Variants in LMO1 observed in about 807,000 individuals in gnomAD.
LMO1 encodes rhombotin-1.
In LMO1, 10 loss-of-function variants were observed where a neutral mutation model predicts 18.0. That is an observed-to-expected ratio of 0.55 (90% CI 0.34 to 0.94). The LOEUF (loss-of-function observed/expected upper bound fraction) is 0.94. Among genes scored for constraint, LMO1 ranks in the 40% least tolerant of loss-of-function variants. The pLI is 0.02. For missense variants in LMO1, 183 were observed against 205.7 expected, an observed-to-expected ratio of 0.89 and a Z score of 0.68; for synonymous variants, 77 against 77.9, an observed-to-expected ratio of 0.99 and a Z score of 0.06.
At chr11:8,238,313 C>G (rs1191920723) in intron 1 of LMO1, among the ~76,000 whole-genome samples, 1 of 152,178 alleles carries the variant, frequency 6.6e-6, no homozygotes, top group Non-Finnish European at 1.5e-5. Flanking sequence ...CAAAAAGGTA[C>G]ATACTGTATA....
intron 1 of LMO1, among the ~76,000 whole-genome samples, chr11:8,260,809 T>C (rs1336014092): frequency 2.6e-5 from 4 of 151,970 alleles, no homozygotes; most frequent in Admixed American, 6.6e-5. Context: ...TTGGGGGTGG[T>C]TAATAGCAGC....
intron 1 of LMO1, among the ~76,000 whole-genome samples, chr11:8,232,306 CCTGT>C (rs1180602811): frequency 6.6e-6 from 1 of 152,188 alleles, no homozygotes; most frequent in Admixed American, 6.5e-5. Flanking sequence ...CTCGGGCCTG[CCTGT>C]GTCTCTTCTA....
intron 1 of LMO1, among the ~76,000 whole-genome samples, chr11:8,257,597 C>T (rs560815494): frequency 1.2e-4 from 18 of 152,374 alleles, no homozygotes; most frequent in Middle Eastern, 3.4e-3. Flanking sequence ...CAAAAAGATG[C>T]TGATGCTCTA....
intron 1 of LMO1, among the ~76,000 whole-genome samples, chr11:8,235,245 G>GA (rs1404840306): frequency 6.6e-6 from 1 of 152,190 alleles, no homozygotes; most frequent in Admixed American, 6.5e-5. Context: ...AAGAATAGTA[G>GA]AAAAAATTCC....
At chr11:8,239,541 C>T (rs1490622345) in intron 1 of LMO1, among the ~76,000 whole-genome samples, 3 of 152,092 alleles carry the variant, frequency 2.0e-5, no homozygotes, top group Non-Finnish European at 1.5e-5. Context: ...TGAGATGGCA[C>T]ACGTCCTCAG....
intron 1 of LMO1, among the ~76,000 whole-genome samples, chr11:8,241,527 G>T (rs948026574): frequency 2.6e-5 from 4 of 152,132 alleles, no homozygotes; most frequent in African/African-American, 4.8e-5. Flanking sequence ...CCCACACTGT[G>T]CTCCAGCCAT....
chr11:8,243,031 A>G (rs772214036), intron 1 of LMO1, among the ~76,000 whole-genome samples: 104 of 152,210 alleles, frequency 6.8e-4, no homozygotes, highest in Non-Finnish European at 1.3e-3. Flanking sequence ...CCCATCTGCT[A>G]GCCACGGGGC....
chr11:8,225,435 C>T (rs1262486071), intron 3 of LMO1, among the ~76,000 whole-genome samples: 2 of 123,672 alleles, frequency 1.6e-5, no homozygotes, highest in African/African-American at 5.9e-5. Context: ...AAAAAAAAGG[C>T]AGAGATGGGT....
At chr11:8,232,723 T>C (rs1952689887) in intron 1 of LMO1, among the ~76,000 whole-genome samples, 2 of 152,316 alleles carry the variant, frequency 1.3e-5, no homozygotes, top group East Asian at 1.9e-4. Context: ...CAGGGCTCTA[T>C]ATTTGGGCTA....
At chr11:8,246,668 T>C (rs1846899352) in intron 1 of LMO1, among the ~76,000 whole-genome samples, 1 of 152,158 alleles carries the variant, frequency 6.6e-6, no homozygotes, top group Admixed American at 6.5e-5. Flanking sequence ...TTTAAAAAGG[T>C]TAATTTTGTG....
chr11:8,267,916 C>T (rs566729769), upstream of LMO1, among the ~76,000 whole-genome samples: 6 of 152,354 alleles, frequency 3.9e-5, no homozygotes, highest in African/African-American at 1.4e-4. Context: ...TGCCAGACCG[C>T]AGAGACAGTG....
At chr11:8,228,949 G>A (rs574905849) in intron 2 of LMO1, among the ~76,000 whole-genome samples, 4 of 152,226 alleles carry the variant, frequency 2.6e-5, no homozygotes, top group African/African-American at 7.2e-5. Context: ...GTACAGTGGC[G>A]CAATCACAGC....
At chr11:8,253,395 C>T (rs985753328) in intron 1 of LMO1, among the ~76,000 whole-genome samples, 5 of 152,218 alleles carry the variant, frequency 3.3e-5, no homozygotes, top group African/African-American at 1.2e-4. Context: ...CAAGTTTCAA[C>T]AGACCTAAAA....
chr11:8,239,869 T>C (rs192203769), intron 1 of LMO1, among the ~76,000 whole-genome samples: 6 of 152,334 alleles, frequency 3.9e-5, no homozygotes, highest in Admixed American at 2.6e-4. Context: ...ACCATAGTCA[T>C]GTTCAACCAG....
At chr11:8,233,070 G>A (rs572538570) in intron 1 of LMO1, among the ~76,000 whole-genome samples, 1 of 152,328 alleles carries the variant, frequency 6.6e-6, no homozygotes, top group Admixed American at 6.5e-5. Context: ...TGCCCAGGCT[G>A]GCCTCTGCAC....
intron 2 of LMO1, among the ~76,000 whole-genome samples, chr11:8,228,396 C>T (rs11041819): frequency 0.04 from 6,109 of 152,336 alleles, 294 homozygotes; most frequent in African/African-American, 0.12. Context: ...CAAACTCAGG[C>T]GCCTGCAGAT....
chr11:8,230,153 G>T lies in LMO1; in HGVS notation c.239+138C>A, dbSNP rs1952626486. 16 of 753,960 alleles carry T rather than the reference G, an allele frequency of 2.1e-5. No homozygotes were observed. In the South Asian group the frequency reaches 2.7e-4, roughly 13 times the overall value. 46.7% of individuals were successfully genotyped at this position (753,960 alleles called of 1,614,324 possible). ...TTCTCAGGTATCTGGGGCAAGCAGG[G>T]CAGGGGCAGGACAGTCAAGAATGAG... is the stretch of plus-strand genomic sequence containing the variant. On this transcript the variant is annotated intron_variant, in intron 2 of 3. Transcript: ENST00000335790.
At chr11:8,262,119 C>A (rs1847195921) in intron 1 of LMO1, among the ~76,000 whole-genome samples, 1 of 152,202 alleles carries the variant, frequency 6.6e-6, no homozygotes, top group Non-Finnish European at 1.5e-5. Flanking sequence ...CACCAACTGG[C>A]CACATCAATA....
At chr11:8,227,137 C>G in intron 2 of LMO1, 37 bp from the exon 3 acceptor site, 1 of 1,588,402 alleles carries the variant, frequency 6.3e-7, no homozygotes, top group Non-Finnish European at 8.6e-7. Flanking sequence ...CAGCAGCATT[C>G]TGGGAAGCTG....
Sources: allele counts gnomAD v4.1 joint callset (sites outside exome capture counted in the v4.1 genomes callset), GRCh38; gene constraint gnomAD v4.1.1; transcripts MANE v1.5; gene names NCBI Gene and HGNC (gene_info 2026-07-23, HGNC 2026-07-21).